DNM3: variants seen among roughly 807,000 people sequenced by gnomAD.
The protein encoded by DNM3 is dynamin-3.
DNM3 carries 47 observed loss-of-function variants against 101.6 expected under a neutral mutation model. That is an observed-to-expected ratio of 0.46 (90% confidence interval 0.37 to 0.59). The LOEUF (loss-of-function observed/expected upper bound fraction) is 0.59, where lower values mean the gene tolerates loss of function less well. Ranked by LOEUF, DNM3 falls within the 20% of genes least tolerant of loss-of-function variation. The pLI, the probability that DNM3 is intolerant of heterozygous loss-of-function variation, is 0.00. For missense variants in DNM3, 849 were observed against 1,085.7 expected (o/e 0.78, Z 3.06); for synonymous variants, 385 against 387.9 (o/e 0.99, Z 0.09).
chr1:172,173,276 G>A (rs939231171), intron 14 of DNM3, among the ~76,000 whole-genome samples: 3 of 151,636 alleles, frequency 2.0e-5, no homozygotes, highest in Admixed American at 1.3e-4. Context: ...TTGAGAGAGA[G>A]AAGAGTCAGG....
intron 14 of DNM3, among the ~76,000 whole-genome samples, chr1:172,133,891 T>A (rs11584664): frequency 0.21 from 31,571 of 152,144 alleles, 4,368 homozygotes; most frequent in Non-Finnish European, 0.31. Flanking sequence ...TACCAGTAGA[T>A]GGGGGCCTTA....
chr1:172,150,374 C>A (rs769976722), intron 14 of DNM3, among the ~76,000 whole-genome samples: 3 of 152,138 alleles, frequency 2.0e-5, no homozygotes, highest in Non-Finnish European at 4.4e-5. Flanking sequence ...TATTAATCAA[C>A]TAAAAATGAT....
chr1:171,962,287 A>G (rs1471858345), intron 2 of DNM3, among the ~76,000 whole-genome samples: 1 of 152,226 alleles, frequency 6.6e-6, no homozygotes, highest in Non-Finnish European at 1.5e-5. Flanking sequence ...CATTCAAACC[A>G]TATAGACAGA....
At chr1:171,863,474 G>C (rs1030931134) in intron 1 of DNM3, among the ~76,000 whole-genome samples, 3 of 152,150 alleles carry the variant, frequency 2.0e-5, no homozygotes, top group Non-Finnish European at 4.4e-5. Flanking sequence ...TGTGAGCTTA[G>C]TAGAGAAATA....
At chr1:172,324,993 T>A (rs1273341325) in intron 17 of DNM3, among the ~76,000 whole-genome samples, 1 of 152,114 alleles carries the variant, frequency 6.6e-6, no homozygotes. Flanking sequence ...CTTTCACTAG[T>A]GGATTCACCG....
chr1:172,407,701 C>T, intron 20 of DNM3, 71 bp from the exon 21 acceptor site: 1 of 1,515,174 alleles, frequency 6.6e-7, no homozygotes, highest in South Asian at 1.1e-5. Flanking sequence ...GGCTCTTTCT[C>T]AGTGTCCTTG....
intron 14 of DNM3, among the ~76,000 whole-genome samples, chr1:172,242,321 A>G (rs2061780470): frequency 6.6e-6 from 1 of 152,270 alleles, no homozygotes; most frequent in East Asian, 1.9e-4. Flanking sequence ...CCTGCCTGGT[A>G]TCTCTCAGCC....
At chr1:171,888,522 C>G (rs1023921424) in intron 1 of DNM3, among the ~76,000 whole-genome samples, 9 of 152,158 alleles carry the variant, frequency 5.9e-5, no homozygotes, top group Admixed American at 2.0e-4. Context: ...GCTTGGCCTC[C>G]TGACCTCGAG....
intron 4 of DNM3, among the ~76,000 whole-genome samples, chr1:172,010,726 C>G (rs1320566655): frequency 2.5e-5 from 3 of 121,598 alleles, no homozygotes; most frequent in Admixed American, 1.0e-4. Context: ...GTGTGTGTAG[C>G]TGATGTTCTT....
chr1:172,144,119 T>G (rs1330877001), intron 14 of DNM3, among the ~76,000 whole-genome samples: 2 of 151,708 alleles, frequency 1.3e-5, no homozygotes, highest in Admixed American at 6.6e-5. Flanking sequence ...CTGGAATGAG[T>G]TTTTTCATAT....
chr1:172,142,205 C>A (rs2057619872), intron 14 of DNM3: 1 of 151,842 alleles, frequency 6.6e-6, no homozygotes, highest in Non-Finnish European at 1.5e-5. Context: ...GGAATAGATT[C>A]CATGATCCCT....
At chr1:172,004,701 C>A (rs923312684) in intron 4 of DNM3, among the ~76,000 whole-genome samples, 2 of 151,946 alleles carry the variant, frequency 1.3e-5, no homozygotes, top group African/African-American at 4.8e-5. Context: ...AATCTCTACT[C>A]TTTTCCTCTA....
chr1:172,187,819 T>C (rs533548772), intron 14 of DNM3, among the ~76,000 whole-genome samples: 15 of 152,242 alleles, frequency 9.9e-5, no homozygotes, highest in African/African-American at 3.6e-4. Flanking sequence ...TGAGATTTCA[T>C]GTTTCTCTGA....
At chr1:171,851,496 C>T (rs1250577621) in intron 1 of DNM3, among the ~76,000 whole-genome samples, 2 of 152,216 alleles carry the variant, frequency 1.3e-5, no homozygotes, top group Non-Finnish European at 2.9e-5. Flanking sequence ...TCACTGCAAC[C>T]TCTGCCTCCC....
intron 14 of DNM3, among the ~76,000 whole-genome samples, chr1:172,174,285 A>C (rs953698166): frequency 6.6e-6 from 1 of 151,474 alleles, no homozygotes; most frequent in Non-Finnish European, 1.5e-5. Flanking sequence ...GCTTGAGTCC[A>C]TCAGCTTAGG....
chr1:172,081,939 T>C (rs2053179849), intron 12 of DNM3, 37 bp downstream of exon 12: 1 of 1,591,004 alleles, frequency 6.3e-7, no homozygotes, highest in East Asian at 2.2e-5. Context: ...GCATTCCTCC[T>C]GTTGATTTGT....
intron 15 of DNM3, among the ~76,000 whole-genome samples, chr1:172,302,350 G>A (rs2064504108): frequency 6.6e-6 from 1 of 152,198 alleles, no homozygotes; most frequent in African/African-American, 2.4e-5. Flanking sequence ...ACTTGAGTAG[G>A]TAAACAGAGC....
At chr1:172,290,318 T>A (rs923011428) in intron 15 of DNM3, among the ~76,000 whole-genome samples, 1 of 151,908 alleles carries the variant, frequency 6.6e-6, no homozygotes, top group African/African-American at 2.4e-5. Context: ...GCTAGAGGGG[T>A]TAGGGGAGGC....
intron 11 of DNM3, among the ~76,000 whole-genome samples, chr1:172,074,304 A>G (rs1268996837): frequency 1.3e-5 from 2 of 151,914 alleles, no homozygotes; most frequent in Admixed American, 1.3e-4. Context: ...AAGATCTGAC[A>G]TTATTATTAT....
Sources: allele counts gnomAD v4.1 joint callset (sites outside exome capture counted in the v4.1 genomes callset), GRCh38; gene constraint gnomAD v4.1.1; transcripts MANE v1.5; gene names NCBI Gene and HGNC (gene_info 2026-07-23, HGNC 2026-07-21).